Variants in CLCN6 observed in about 807,000 individuals in gnomAD.
CLCN6 encodes the protein H(+)/Cl(-) exchange transporter 6.
Under a neutral mutation model 109.8 loss-of-function variants are expected in CLCN6, and 70 were observed. That is an observed-to-expected ratio of 0.64 (90% CI 0.53 to 0.78). The LOEUF (loss-of-function observed/expected upper bound fraction) is 0.78. Ranked by LOEUF, CLCN6 falls within the 30% of genes least tolerant of loss-of-function variation. The pLI is 0.00. For missense variants in CLCN6, 984 were observed against 1,142.3 expected, an observed-to-expected ratio of 0.86 and a Z score of 2.00; for synonymous variants, 444 against 447.8, an observed-to-expected ratio of 0.99 and a Z score of 0.11.
intron 12 of CLCN6, 96 bp downstream of exon 12, chr1:11,828,720 C>T (rs1451185423): frequency 7.7e-6 from 10 of 1,293,412 alleles, no homozygotes; most frequent in Middle Eastern, 2.8e-4. Flanking sequence ...CCTGCCTCCA[C>T]GGCTTTGATT....
Position 11,834,414 on chromosome 1 carries a change from G to A in CLCN6, c.1686+19G>A. 1.2e-6 allele frequency: 2 copies of A among 1,613,390 alleles called. No homozygotes were observed. The highest frequency in any genetic ancestry group is 2.2e-5 in the South Asian group (2 of 91,042). On this transcript the variant is annotated intron_variant, in intron 16 of 22. Transcript: ENST00000346436. The surrounding 1 kb of genome is among the most constrained non-coding windows in gnomAD (Gnocchi z 4.5). ...ACTGATGGTGAGCACACTCCCTCCA[G>A]GCCCCTGTCAGGCTCAGGGCCACGT...
intron 3 of CLCN6, 49 bp downstream of exon 3, chr1:11,815,960 G>A (rs1440526953): frequency 6.9e-7 from 1 of 1,452,640 alleles, no homozygotes; most frequent in Non-Finnish European, 9.7e-7. Flanking sequence ...GTCTTAACAT[G>A]GCATTTTTTT....
intron 2 of CLCN6, among the ~76,000 whole-genome samples, chr1:11,814,808 G>A (rs564000158): frequency 3.3e-5 from 5 of 151,984 alleles, no homozygotes; most frequent in African/African-American, 4.8e-5. Flanking sequence ...TGAGGAGGGC[G>A]GATCACGAGG....
intron 13 of CLCN6, among the ~76,000 whole-genome samples, chr1:11,830,755 A>G (rs1051177019): frequency 2.4e-4 from 34 of 140,394 alleles, no homozygotes; most frequent in Non-Finnish European, 3.3e-4. Context: ...ATATATATAT[A>G]TATATATATA....
At chr1:11,808,213 ATGTGTGTGTGTGTTTGTGTGTGTGTGTG>A (rs1334239498) in intron 2 of CLCN6, among the ~76,000 whole-genome samples, 5 of 123,542 alleles carry the variant, frequency 4.0e-5, no homozygotes, top group African/African-American at 1.6e-4. Flanking sequence ...TTTTTATTGT[ATGTGTGTGTGTGTTTGTGTGTGTGTGTG>A]TGTGTGTGTG....
At chr1:11,824,905 A>G (rs1644792806) in intron 8 of CLCN6, among the ~76,000 whole-genome samples, 1 of 152,140 alleles carries the variant, frequency 6.6e-6, no homozygotes, top group South Asian at 2.1e-4. Context: ...ATCGACTGAC[A>G]TGGTTTTAGG....
intron 14 of CLCN6, 74 bp downstream of exon 14, chr1:11,833,712 C>A: frequency 6.3e-7 from 1 of 1,594,714 alleles, no homozygotes. Context: ...GCCCTTCATT[C>A]CAAGCAAGAC....
At chr1:11,815,305 G>T (rs1644655830) in intron 2 of CLCN6, among the ~76,000 whole-genome samples, 1 of 152,184 alleles carries the variant, frequency 6.6e-6, no homozygotes, top group Admixed American at 6.5e-5. Context: ...AAAGCATGAA[G>T]TATGAACCTA....
At chr1:11,824,618 C>T (rs1027181018) in intron 8 of CLCN6, 65 bp downstream of exon 8, 8 of 1,363,728 alleles carry the variant, frequency 5.9e-6, no homozygotes, top group Non-Finnish European at 8.2e-6. Context: ...TTACACTGGG[C>T]CAAATCCATT....
rs148009122 is a variant in CLCN6 at position 11,825,168 on chromosome 1, A to T, written c.648+615A>T. On this transcript the variant is annotated intron_variant, in intron 8 of 22. Transcript: ENST00000346436. ...CCCTGGCTGCTGTTGGAGAAGTCTCAGTTCCCTGTGAACTGTCACTCTTAG... is the reference window on the plus strand; with the variant it reads ...CCCTGGCTGCTGTTGGAGAAGTCTCTGTTCCCTGTGAACTGTCACTCTTAG... Among the ~76,000 whole-genome samples, 388 of 152,334 alleles carry T rather than the reference A, an allele frequency of 2.5e-3. 3 individuals are homozygous for T. The highest frequency in any genetic ancestry group is 8.4e-3 in the African/African-American group (350 of 41,564).
In CLCN6 at chr1:11,828,551, A is replaced by G; in HGVS notation, c.1048A>G (p.Thr350Ala). 1.2e-6 allele frequency: 2 copies of G among 1,614,166 alleles called. No homozygotes were observed. The highest frequency in any genetic ancestry group is 1.7e-6 in the Non-Finnish European group (2 of 1,180,026). The stretch of plus-strand genomic sequence containing the variant: ...GGTCATTGGGGGCCTCCTGGGAGCC[A>G]CATTCAACTGTCTGAACAAGAGGCT... ...MGVIGGLLGA[T>A]FNCLNKRLAK... Residue 350 changes from threonine to alanine, a missense_variant, in exon 12 of 23, where the codon ACA (threonine) becomes GCA (alanine). By Grantham distance (58) the Thr-to-Ala change is moderately conservative. Coordinates refer to ENST00000346436, the MANE Select transcript of CLCN6 (RefSeq NM_001286.5).
intron 2 of CLCN6, among the ~76,000 whole-genome samples, chr1:11,807,861 C>G (rs1479971103): frequency 1.3e-5 from 2 of 152,096 alleles, no homozygotes; most frequent in Non-Finnish European, 2.9e-5. Flanking sequence ...TTTTAAGTAA[C>G]AAAAATGAGA....
chr1:11,819,361 T>C, intron 4 of CLCN6, 127 bp from the exon 5 acceptor site: 1 of 825,114 alleles, frequency 1.2e-6, no homozygotes, highest in Non-Finnish European at 2.1e-6. Context: ...ATTCACGTAC[T>C]GCTGGCTGGT....
rs757638536 is a variant in CLCN6, at chr1:11,828,548, G to A, written c.1045G>A (p.Ala349Thr). ...VMGVIGGLLG[A>T]TFNCLNKRLA... ...GGGGGTCATTGGGGGCCTCCTGGGA[G>A]CCACATTCAACTGTCTGAACAAGAG... The change falls in exon 12 of 23, where the codon GCC (alanine) becomes ACC (threonine). Residue 349 changes from alanine to threonine, a missense_variant. Coordinates refer to ENST00000346436, the MANE Select transcript of CLCN6 (RefSeq NM_001286.5). 2.3e-5 allele frequency: 37 copies of A among 1,614,036 alleles called. No individual in the cohort carries two copies. The highest frequency in any genetic ancestry group is 3.0e-5 in the Non-Finnish European group (35 of 1,180,018).
intron 13 of CLCN6, among the ~76,000 whole-genome samples, chr1:11,833,265 G>A (rs771390123): frequency 2.0e-5 from 3 of 152,058 alleles, no homozygotes; most frequent in Non-Finnish European, 2.9e-5. Flanking sequence ...GGTGAATCAC[G>A]GCCATAGTGA....
At chr1:11,814,946 T>C (rs577605477) in intron 2 of CLCN6, among the ~76,000 whole-genome samples, 2 of 149,686 alleles carry the variant, frequency 1.3e-5, no homozygotes, top group African/African-American at 4.9e-5. Flanking sequence ...GGCAGGAGAA[T>C]GGTGTGAACC....
At chr1:11,825,225 G>T (rs1644796894) in intron 8 of CLCN6, among the ~76,000 whole-genome samples, 1 of 152,220 alleles carries the variant, frequency 6.6e-6, no homozygotes, top group Non-Finnish European at 1.5e-5. Context: ...AGAAGAGGGA[G>T]TTATTGTGGT....
intron 17 of CLCN6, 96 bp from the exon 18 acceptor site, chr1:11,835,871 C>T: frequency 9.5e-7 from 1 of 1,054,528 alleles, no homozygotes. Context: ...CCCCACCCCG[C>T]CCGTGGTCTG....
Position 11,826,947 on chromosome 1 carries a change from G to C in CLCN6, c.708-142G>C. On this transcript the variant is annotated intron_variant, in intron 9 of 22. Transcript: ENST00000346436. Reference sequence around the variant, plus strand: ...GGTGGACACACTCGCGGCAAAGGCTGCCTCACCAGTGACCTGCCCTTCCAG... The same window carrying C: ...GGTGGACACACTCGCGGCAAAGGCTCCCTCACCAGTGACCTGCCCTTCCAG... The C allele has an allele frequency of 2.0e-6, 2 of 996,258 alleles. 1 individual carries two copies. Among genetic ancestry groups the C allele is most frequent in the South Asian group, 3.3e-5 (2 of 61,206 alleles). The allele number at this position is 996,258 out of a possible 1,614,324, so 61.7% of individuals were successfully genotyped here.
Sources: allele counts gnomAD v4.1 joint callset (sites outside exome capture counted in the v4.1 genomes callset), GRCh38; gene constraint gnomAD v4.1.1; non-coding constraint Gnocchi (gnomAD v3.1); transcripts MANE v1.5; gene names NCBI Gene and HGNC (gene_info 2026-07-23, HGNC 2026-07-21).